The following EXD3 variants were observed in gnomAD, a reference collection of about 807,000 sequenced individuals.
EXD3 encodes the protein exonuclease mut-7 homolog.
Under a neutral mutation model 98.0 loss-of-function variants are expected in EXD3, and 92 were observed. The observed-to-expected ratio is 0.94, with a 90% CI of 0.79 to 1.12. EXD3 has a LOEUF of 1.12. Among genes scored for constraint, EXD3 ranks in the 50% most tolerant of loss-of-function variants. The pLI is 0.00. For missense variants in EXD3, 1,222 were observed against 1,191.6 expected (o/e 1.03, Z -0.38); for synonymous variants, 569 against 526.0 (o/e 1.08, Z -1.12).
chr9:137,412,918 C>T (rs1838064816), intron 1 of EXD3, among the ~76,000 whole-genome samples: 1 of 151,398 alleles, frequency 6.6e-6, no homozygotes, highest in East Asian at 2.0e-4. Flanking sequence ...GCTGGGACCA[C>T]CGGAGTGCAC....
chr9:137,364,451 G>A (rs577829237), intron 7 of EXD3, among the ~76,000 whole-genome samples: 4 of 151,914 alleles, frequency 2.6e-5, no homozygotes, highest in South Asian at 4.2e-4. Flanking sequence ...GTGGAACCCC[G>A]TCTCTACTAA....
At chr9:137,373,776 C>T (rs1835761501) in intron 3 of EXD3, among the ~76,000 whole-genome samples, 177 bp from the exon 4 acceptor site, 1 of 152,268 alleles carries the variant, frequency 6.6e-6, no homozygotes, top group Non-Finnish European at 1.5e-5. Flanking sequence ...CCGCTGCACC[C>T]CAGGCCCCCA....
At position 137,395,201 on chromosome 9, in the gene EXD3, C is replaced by A; in HGVS notation, c.55+102G>T. On this transcript the variant is annotated intron_variant, in intron 2 of 21. Coordinates refer to ENST00000340951, the MANE Select transcript of EXD3 (RefSeq NM_017820.5). This position sits in a 1 kb window ranked among gnomAD's most constrained non-coding sequence, Gnocchi z 6.5. The stretch of plus-strand genomic sequence containing the variant: ...GCAGCTAGGGGCCAGCAGCCTGGCC[C>A]TCGTCACTGAGTACACAGTGGGCGC... 2.7e-6 allele frequency: 3 copies of A among 1,125,562 alleles called. No individual in the cohort carries two copies. Among genetic ancestry groups the A allele is most frequent in the East Asian group, 4.8e-5 (2 of 42,092 alleles). 69.7% of individuals were successfully genotyped at this position (1,125,562 alleles called of 1,614,324 possible).
rs780613765 is a variant in EXD3, at chr9:137,372,999, G to A, written c.368C>T (p.Ala123Val). ...CAGCTGGAAGATGCTGGCCAGTGGT[G>A]CCGCAAGGCTGGGGGGGCTCTCAGT... ...VLTESPPSLA[A>V]PLASIFQLQD... Residue 123 changes from alanine (A) to valine (V), a missense_variant, in exon 5 of 22, where the codon GCA becomes GTA. Ala to Val is a moderately conservative substitution (Grantham distance 64). Coordinates refer to ENST00000340951, the MANE Select transcript of EXD3 (RefSeq NM_017820.5). 4 of 1,605,158 alleles carry A rather than the reference G, an allele frequency of 2.5e-6. No individual in the cohort carries two copies. Among genetic ancestry groups the A allele is most frequent in the Non-Finnish European group, 3.4e-6 (4 of 1,179,522 alleles).
chr9:137,358,540 G>A lies in EXD3; in HGVS notation c.657-2172C>T, dbSNP rs768787193. 9.9e-5 allele frequency among the ~76,000 whole-genome samples: 15 copies of A among 152,132 alleles called. 1 individual carries two copies. Among genetic ancestry groups the A allele is most frequent in the Non-Finnish European group, 1.9e-4 (13 of 68,032 alleles). On this transcript the variant is annotated intron_variant, in intron 7 of 21. Coordinates refer to ENST00000340951, the MANE Select transcript of EXD3 (RefSeq NM_017820.5). ...CACTCTCAGGCCTCCGAGGACAGTC[G>A]CTGCCTGGACATCTGTCTTCCGGGT...
chr9:137,325,839 C>T (rs1832372486), intron 17 of EXD3, among the ~76,000 whole-genome samples: 1 of 152,144 alleles, frequency 6.6e-6, no homozygotes, highest in Admixed American at 6.5e-5. Flanking sequence ...CCTGTAATCC[C>T]AGCACTTTGG....
chr9:137,316,047 C>T (rs1244768026), intron 19 of EXD3, among the ~76,000 whole-genome samples: 1 of 145,190 alleles, frequency 6.9e-6, no homozygotes, highest in Non-Finnish European at 1.5e-5. Flanking sequence ...TCCAGAGCTT[C>T]CCCTCCCCCC....
chr9:137,379,792 C>T (rs1037343134), intron 3 of EXD3, among the ~76,000 whole-genome samples: 2 of 151,958 alleles, frequency 1.3e-5, no homozygotes, highest in African/African-American at 4.8e-5. Context: ...AGTTCTGCAG[C>T]ACCCGTTCTA....
chr9:137,399,017 G>A (rs966829274), intron 1 of EXD3, among the ~76,000 whole-genome samples: 5 of 152,016 alleles, frequency 3.3e-5, no homozygotes, highest in East Asian at 1.9e-4. Flanking sequence ...CTCGTAACAC[G>A]TGCACACCGA....
In EXD3 at chr9:137,307,129, C is replaced by T; in HGVS notation, c.2452G>A (p.Val818Met). The T allele has an allele frequency of 6.2e-7, 1 of 1,602,764 alleles. No homozygotes were observed. The highest frequency in any genetic ancestry group is 8.5e-7 in the Non-Finnish European group (1 of 1,175,578). ...GTRLQLAGVP[V>M]GVLRTPGLRC... ...AGCCCAGGTGTCCTCAGCACACCCA[C>T]CGGGACCCCTGCCAGCTGCAGCCGG... Residue 818 changes from valine (V) to methionine (M), a missense_variant, in exon 22 of 22, where the codon GTG (valine) becomes ATG (methionine). Val to Met is a conservative substitution (Grantham distance 21). Transcript: ENST00000340951.
At chr9:137,412,615 G>A (rs1838053610) in intron 1 of EXD3, among the ~76,000 whole-genome samples, 2 of 152,102 alleles carry the variant, frequency 1.3e-5, no homozygotes, top group African/African-American at 2.4e-5. Flanking sequence ...AGCCCCCAGA[G>A]GCACGAGGGC....
rs1835670256 is a variant in EXD3, at chr9:137,372,386, C to A, written c.462+519G>T. On this transcript the variant is annotated intron_variant, in intron 5 of 21. Coordinates refer to ENST00000340951, the MANE Select transcript of EXD3 (RefSeq NM_017820.5). ...GGTGCTGTGGGAGGCGGGGCCGGCA[C>A]CAGCTGCTCCCACAGCTCTTCTGCT... 2.6e-5 allele frequency among the ~76,000 whole-genome samples: 4 copies of A among 152,186 alleles called. No individual in the cohort carries two copies. The South Asian group carries it at 8.3e-4, about 32-fold the overall frequency.
intron 8 of EXD3, among the ~76,000 whole-genome samples, chr9:137,355,492 T>G (rs199582416): frequency 0.017 from 537 of 30,712 alleles, 7 homozygotes; most frequent in East Asian, 0.043. Flanking sequence ...GGAAGGAGGA[T>G]GGAGGAAGGA....
intron 1 of EXD3, among the ~76,000 whole-genome samples, chr9:137,399,368 T>C (rs547157159): frequency 6.6e-6 from 1 of 152,362 alleles, no homozygotes; most frequent in African/African-American, 2.4e-5. Context: ...CCCTCAGTTC[T>C]GTCCTCAGGA....
At chr9:137,415,858 C>T (rs1838207393) in intron 1 of EXD3, among the ~76,000 whole-genome samples, 1 of 152,212 alleles carries the variant, frequency 6.6e-6, no homozygotes, top group African/African-American at 2.4e-5. Context: ...GTTCACAGAG[C>T]AGCATAAAGT....
chr9:137,393,946 G>A lies in EXD3; in HGVS notation c.55+1357C>T, dbSNP rs988923984. On this transcript the variant is annotated intron_variant, in intron 2 of 21. Transcript: ENST00000340951. The surrounding 1 kb of genome is among the most constrained non-coding windows in gnomAD (Gnocchi z 4.6). ...AGGGTGAAGGATGTGAAGGGGCCCC[G>A]GCACCCCCTTCTCACCCTCTGCCCA... 3.9e-5 allele frequency among the ~76,000 whole-genome samples: 6 copies of A among 152,152 alleles called. No homozygotes were observed. The highest frequency in any genetic ancestry group is 5.9e-5 in the Non-Finnish European group (4 of 68,006).
At chr9:137,382,098 T>TGGAGGTCAGGGCGGC (rs1836327154) in intron 3 of EXD3, among the ~76,000 whole-genome samples, 3 of 25,368 alleles carry the variant, frequency 1.2e-4, no homozygotes, top group Non-Finnish European at 2.1e-4. Flanking sequence ...AGGGCGGCGG[T>TGGAGGTCAGGGCGGC]GGAGGTCAGG....
rs563761495 is a variant in EXD3 at position 137,346,238 on chromosome 9, C to CAAAAAA, written c.1998+1827_1998+1832dup. The stretch of plus-strand genomic sequence containing the variant: ...TGGGAGACAGAGCAAGACTCCGTCT[C>CAAAAAA]AAAAAAAAAAAAAAAAAAAAAAAAA... On this transcript the variant is annotated intron_variant, in intron 17 of 21. Transcript: ENST00000340951. 9.6e-3 allele frequency among the ~76,000 whole-genome samples: 131 copies of CAAAAAA among 13,608 alleles called. 12 individuals are homozygous for CAAAAAA. The highest frequency in any genetic ancestry group is 0.019 in the African/African-American group (66 of 3,506). 8.9% of individuals were successfully genotyped at this position (13,608 alleles called of 152,430 possible).
chr9:137,377,614 A>C (rs1214063963), intron 3 of EXD3, among the ~76,000 whole-genome samples: 2 of 131,534 alleles, frequency 1.5e-5, no homozygotes, highest in African/African-American at 5.8e-5. Context: ...TCAGCTACTC[A>C]GGAGGCTGAG....
Sources: allele counts gnomAD v4.1 joint callset (sites outside exome capture counted in the v4.1 genomes callset), GRCh38; gene constraint gnomAD v4.1.1; non-coding constraint Gnocchi (gnomAD v3.1); transcripts MANE v1.5; gene names NCBI Gene and HGNC (gene_info 2026-07-23, HGNC 2026-07-21).